The following MYRFL variants were observed in gnomAD, a reference collection of about 807,000 sequenced individuals.
MYRFL encodes the protein myelin regulatory factor-like protein.
A neutral mutation model predicts 109.4 loss-of-function variants in MYRFL; 88 were observed. That is an observed-to-expected ratio of 0.80 (90% CI 0.68 to 0.96). MYRFL has a LOEUF of 0.96. MYRFL is among the 40% of genes least tolerant of loss of function. The pLI is 0.00. For synonymous variants in MYRFL, 324 were observed against 320.9 expected (o/e 1.01, Z -0.10); for missense variants, 957 against 954.9 (o/e 1.00, Z -0.03).
intron 2 of MYRFL, among the ~76,000 whole-genome samples, chr12:69,873,988 CTTAGAG>C (rs1373897703): frequency 6.6e-6 from 1 of 152,120 alleles, no homozygotes; most frequent in African/African-American, 2.4e-5. Context: ...TTACAGTTTA[CTTAGAG>C]TTAATGAGTT....
intron 19 of MYRFL, among the ~76,000 whole-genome samples, chr12:69,945,358 G>A (rs1955800417): frequency 6.6e-6 from 1 of 152,106 alleles, no homozygotes; most frequent in African/African-American, 2.4e-5. Context: ...ACTAGTTTTT[G>A]TCTTTTATAC....
intron 2 of MYRFL, among the ~76,000 whole-genome samples, chr12:69,867,852 A>T (rs1311128160): frequency 2.0e-5 from 3 of 152,206 alleles, no homozygotes; most frequent in Non-Finnish European, 4.4e-5. Flanking sequence ...GTTCAAACTG[A>T]TATAATAAGA....
At chr12:69,950,326 A>G (rs1335895791) in intron 19 of MYRFL, among the ~76,000 whole-genome samples, 1 of 152,160 alleles carries the variant, frequency 6.6e-6, no homozygotes, top group Non-Finnish European at 1.5e-5. Flanking sequence ...TTGAAAAATC[A>G]ATAGGGACCA....
chr12:69,848,442 C>T (rs980934335), intron 1 of MYRFL, among the ~76,000 whole-genome samples: 2 of 152,000 alleles, frequency 1.3e-5, no homozygotes, highest in African/African-American at 4.8e-5. Flanking sequence ...ATCTTCTCTT[C>T]ATTCTATCAG....
chr12:69,932,447 T>C, intron 15 of MYRFL, 66 bp from the exon 16 acceptor site: 1 of 1,103,640 alleles, frequency 9.1e-7, no homozygotes, highest in Non-Finnish European at 1.3e-6. Flanking sequence ...GGAGCAGTTC[T>C]CCAGGCTCCC....
At chr12:69,924,727 G>A (rs1435909069) in intron 13 of MYRFL, among the ~76,000 whole-genome samples, 2 of 152,008 alleles carry the variant, frequency 1.3e-5, no homozygotes. Context: ...AAAAATATAG[G>A]GTTTTCTGAT....
At chr12:69,932,242 A>G (rs962260796) in intron 15 of MYRFL, among the ~76,000 whole-genome samples, 11 of 152,228 alleles carry the variant, frequency 7.2e-5, no homozygotes, top group South Asian at 4.1e-4. Flanking sequence ...TAAGTGCCCA[A>G]TGAATGGCAA....
chr12:69,882,672 T>C (rs930427040), intron 5 of MYRFL, among the ~76,000 whole-genome samples: 1 of 152,218 alleles, frequency 6.6e-6, no homozygotes. Flanking sequence ...TGTAAAATTT[T>C]GCTTAGAGAG....
intron 10 of MYRFL, among the ~76,000 whole-genome samples, chr12:69,902,097 T>C (rs1029267186): frequency 1.3e-5 from 2 of 152,080 alleles, no homozygotes; most frequent in African/African-American, 4.8e-5. Context: ...CTTCACCATG[T>C]TGGCCAGGCT....
chr12:69,899,502 A>G (rs1954115734), intron 10 of MYRFL, among the ~76,000 whole-genome samples: 3 of 152,238 alleles, frequency 2.0e-5, no homozygotes. Context: ...TGTTAGTTTA[A>G]GCTCCGGAAT....
chr12:69,880,964 T>TTTTTTTTTTTTTG, intron 5 of MYRFL, among the ~76,000 whole-genome samples: 3 of 148,770 alleles, frequency 2.0e-5, no homozygotes, highest in Non-Finnish European at 4.5e-5. Context: ...TTTTTTTTTT[T>TTTTTTTTTTTTTG]TTTTTGTCTT....
Position 69,936,078 on chromosome 12 carries a change from G to GTTTTTTTTTTTTTTTT in MYRFL, c.1917-21_1917-6dup, listed in dbSNP as rs71098067. 2.1e-5 allele frequency: 19 copies of GTTTTTTTTTTTTTTTT among 893,914 alleles called. 2 individuals are homozygous for GTTTTTTTTTTTTTTTT. Among genetic ancestry groups the GTTTTTTTTTTTTTTTT allele is most frequent in the East Asian group, 1.8e-4 (3 of 16,630 alleles). 55.4% of individuals were successfully genotyped at this position (893,914 alleles called of 1,614,324 possible). A position where few individuals can be genotyped will look rare whatever the true frequency, so the allele number is the denominator to read the frequency against. On this transcript the variant is annotated intron_variant, in intron 16 of 24. Coordinates refer to ENST00000552032, the MANE Select transcript of MYRFL (RefSeq NM_182530.3). Reference sequence around the variant, plus strand: ...TCTGGAAACAAATCTGCCACATAATGTTTTTTTTTTTTTTTTTTTTTTTTT... The same window carrying GTTTTTTTTTTTTTTTT: ...TCTGGAAACAAATCTGCCACATAATGTTTTTTTTTTTTTTTTTTTTTTTTTTTTTTTTTTTTTTTTT...
intron 10 of MYRFL, 101 bp from the exon 11 acceptor site, chr12:69,903,543 G>T (rs990470879): frequency 8.2e-7 from 1 of 1,220,478 alleles, no homozygotes; most frequent in Admixed American, 2.3e-5. Context: ...TCTTATGAAA[G>T]ACTTAGATAA....
At chr12:69,910,736 G>A (rs1163568000) in intron 12 of MYRFL, 85 bp from the exon 13 acceptor site, 5 of 913,556 alleles carry the variant, frequency 5.5e-6, no homozygotes, top group East Asian at 5.9e-5. Flanking sequence ...CAAATGTATT[G>A]TAGATCAAAG....
At chr12:69,945,186 A>C (rs11177984) in intron 19 of MYRFL, among the ~76,000 whole-genome samples, 5,295 of 152,242 alleles carry the variant, frequency 0.035, 317 homozygotes, top group African/African-American at 0.12. Flanking sequence ...AGAAGAAAGA[A>C]AATTTTAAAA....
intron 2 of MYRFL, among the ~76,000 whole-genome samples, chr12:69,876,359 T>C (rs12424118): frequency 0.05 from 7,580 of 152,170 alleles, 184 homozygotes; most frequent in South Asian, 0.075. Context: ...TGTCTTTGGG[T>C]AGGTGGTGTT....
At position 69,958,678 on chromosome 12, in the gene MYRFL, A is replaced by G. The variant is rs558398540; in HGVS notation, c.*147A>G. ...ACTTTTTCAGGCTTTAGCTTCCAAC[A>G]GTTTTGAGACATTAATGAGGAGAAT... is the stretch of plus-strand genomic sequence containing the variant. On this transcript the variant is annotated 3_prime_UTR_variant, in exon 25 of 25. Transcript: ENST00000552032. 4.9e-6 allele frequency: 3 copies of G among 608,774 alleles called. No individual in the cohort carries two copies. The African/African-American group carries it at 5.6e-5, about 11-fold the overall frequency. The allele number at this position is 608,774 out of a possible 1,614,324, so 37.7% of individuals were successfully genotyped here.
chr12:69,958,605 C>A lies in MYRFL; in HGVS notation c.*74C>A, dbSNP rs1956149017. On this transcript the variant is annotated 3_prime_UTR_variant, in exon 25 of 25. Transcript: ENST00000552032. ...TTTAACAGAAACGAACATCCTCTTGCAACTTCTTTTTTCTTCTTTGTAAAA... is the reference window on the plus strand; with the variant it reads ...TTTAACAGAAACGAACATCCTCTTGAAACTTCTTTTTTCTTCTTTGTAAAA... The A allele has an allele frequency of 1.8e-6, 2 of 1,109,652 alleles. No individual in the cohort carries two copies. The highest frequency in any genetic ancestry group is 2.7e-5 in the Admixed American group (1 of 36,716). The allele number at this position is 1,109,652 out of a possible 1,614,324, so 68.7% of individuals were successfully genotyped here.
In MYRFL at chr12:69,943,553, CAT is replaced by C. The variant is rs1592884531; in HGVS notation, c.2224+6922_2224+6923del. Among the ~76,000 whole-genome samples the C allele has an allele frequency of 4.9e-5, 7 of 141,660 alleles. No homozygotes were observed. The East Asian group carries it at 1.4e-3, about 29-fold the overall frequency. 92.9% of individuals were successfully genotyped at this position (141,660 alleles called of 152,430 possible). A position where few individuals can be genotyped will look rare whatever the true frequency, so the allele number is the denominator to read the frequency against. On this transcript the variant is annotated intron_variant, in intron 19 of 24. Coordinates refer to ENST00000552032, the MANE Select transcript of MYRFL (RefSeq NM_182530.3). The stretch of plus-strand genomic sequence containing the variant: ...CAATTCAAGATGGATTAAAGACTTA[CAT>C]GTTAGACCTAAAACCATAAAAACCC...
Sources: gnomAD v4.1 joint callset for allele counts (sites outside exome capture counted in the v4.1 genomes callset) on GRCh38, gnomAD v4.1.1 for gene constraint, MANE v1.5 for transcripts, NCBI Gene and HGNC (gene_info 2026-07-23, HGNC 2026-07-21) for gene names.